Variants in ATP6V0A4 observed in about 807,000 individuals in gnomAD.
ATP6V0A4 encodes ATPase H+ transporting V0 subunit a4.
ATP6V0A4 carries 86 observed loss-of-function variants against 107.3 expected under a neutral mutation model. That is an observed-to-expected ratio of 0.80 (90% CI 0.67 to 0.96). ATP6V0A4 has a LOEUF of 0.96. Ranked by LOEUF, ATP6V0A4 falls within the 40% of genes least tolerant of loss-of-function variation. The pLI is 0.00. For missense variants in ATP6V0A4, 908 were observed against 1,045.6 expected (o/e 0.87, Z 1.81); for synonymous variants, 353 against 381.4 (o/e 0.93, Z 0.87).
Position 138,771,840 on chromosome 7 carries a change from T to C in ATP6V0A4, c.-17-576A>G, listed in dbSNP as rs115828139. Among the ~76,000 whole-genome samples, 409 of 152,240 alleles carry C rather than the reference T, an allele frequency of 2.7e-3. 3 individuals are homozygous for C. Among genetic ancestry groups the C allele is most frequent in the African/African-American group, 9.2e-3 (382 of 41,540 alleles). ...CTTGCTGTGTTGCCCAGGCTGGTAT[T>C]GAACTCCTGGACTGAAGTGATCCTC... On this transcript the variant is annotated intron_variant, in intron 2 of 21. Coordinates refer to ENST00000310018, the MANE Select transcript of ATP6V0A4 (RefSeq NM_020632.3).
intron 2 of ATP6V0A4, among the ~76,000 whole-genome samples, chr7:138,772,449 A>G (rs1421104219): frequency 6.6e-6 from 1 of 152,194 alleles, no homozygotes; most frequent in Non-Finnish European, 1.5e-5. Context: ...AAGGATGCCC[A>G]CGGGTGAGTG....
chr7:138,718,399 T>A (rs1253974794), intron 19 of ATP6V0A4, among the ~76,000 whole-genome samples: 2 of 64,258 alleles, frequency 3.1e-5, no homozygotes, highest in African/African-American at 1.2e-4. Context: ...GAGGGAGACG[T>A]CCAGGAAGGA....
rs550393284 is a variant in ATP6V0A4 at position 138,747,237 on chromosome 7, G to T, written c.1320+188C>A. Among the ~76,000 whole-genome samples the T allele has an allele frequency of 2.0e-5, 3 of 152,224 alleles. No individual in the cohort carries two copies. In the East Asian group the frequency reaches 5.8e-4, roughly 29 times the overall value. On this transcript the variant is annotated intron_variant, in intron 13 of 21. Coordinates refer to ENST00000310018, the MANE Select transcript of ATP6V0A4 (RefSeq NM_020632.3). ...TCATGAACAAAAACCCAAAAATGCT[G>T]AAAGGAACGGCACCAAACCATCCAA... is the stretch of plus-strand genomic sequence containing the variant.
chr7:138,768,904 A>G (rs1807226003), intron 4 of ATP6V0A4, 30 bp from the exon 5 acceptor site: 6 of 1,613,412 alleles, frequency 3.7e-6, no homozygotes, highest in Non-Finnish European at 5.1e-6. Flanking sequence ...CAGAAACCCC[A>G]AGGTGATTGT....
At chr7:138,743,284 C>T (rs2117265956) in intron 14 of ATP6V0A4, among the ~76,000 whole-genome samples, 1 of 151,898 alleles carries the variant, frequency 6.6e-6, no homozygotes. Context: ...ATGGTGAAAC[C>T]CCACCTCTCC....
chr7:138,752,860 G>T (rs760959558), intron 10 of ATP6V0A4, 23 bp from the exon 11 acceptor site: 27 of 1,612,042 alleles, frequency 1.7e-5, no homozygotes, highest in Non-Finnish European at 2.2e-5. Context: ...CAACACACAG[G>T]AAAACAGAGA....
chr7:138,737,024 A>G (rs1805359836), intron 15 of ATP6V0A4, among the ~76,000 whole-genome samples: 1 of 150,008 alleles, frequency 6.7e-6, no homozygotes, highest in Admixed American at 6.7e-5. Context: ...TGAAGGCCAA[A>G]TATTTTGTGA....
intron 13 of ATP6V0A4, among the ~76,000 whole-genome samples, chr7:138,745,527 A>G (rs991439726): frequency 5.3e-5 from 8 of 151,812 alleles, no homozygotes; most frequent in Admixed American, 5.3e-4. Context: ...ATAGGCAAAA[A>G]TTAGCTGGGC....
chr7:138,747,784 T>C, intron 12 of ATP6V0A4: 2 of 598,820 alleles, frequency 3.3e-6, no homozygotes, highest in Non-Finnish European at 5.4e-6. Context: ...AAAGTGGGTC[T>C]CGCTCTGTCA....
intron 18 of ATP6V0A4, among the ~76,000 whole-genome samples, chr7:138,723,527 T>TC (rs1317604623): frequency 2.6e-4 from 20 of 75,750 alleles, no homozygotes; most frequent in East Asian, 1.6e-3. Context: ...TCTTTTCTTT[T>TC]TTTTTTTTTT....
chr7:138,761,652 T>C (rs1806825577), intron 7 of ATP6V0A4, among the ~76,000 whole-genome samples: 1 of 149,660 alleles, frequency 6.7e-6, no homozygotes, highest in Non-Finnish European at 1.5e-5. Context: ...AAATTCAAAC[T>C]CCAAATGCAT....
intron 21 of ATP6V0A4, among the ~76,000 whole-genome samples, chr7:138,707,958 C>T (rs757715630): frequency 3.9e-5 from 6 of 151,992 alleles, no homozygotes; most frequent in African/African-American, 7.2e-5. Context: ...CGCAAAGACC[C>T]TTGACCTGTA....
chr7:138,708,412 C>T (rs1032543046), intron 21 of ATP6V0A4, among the ~76,000 whole-genome samples: 2 of 152,124 alleles, frequency 1.3e-5, no homozygotes, highest in African/African-American at 4.8e-5. Flanking sequence ...GGAATGACGT[C>T]ATCATGGAGG....
Position 138,729,008 on chromosome 7 carries a change from G to A in ATP6V0A4, c.1909-146C>T, listed in dbSNP as rs3734941. ...TTTCAATGAATCCATTCACCTTCAC[G>A]CCTGGAATATTCCCCTTGCAGATAG... On this transcript the variant is annotated intron_variant, in intron 17 of 21. Coordinates refer to ENST00000310018, the MANE Select transcript of ATP6V0A4 (RefSeq NM_020632.3). The A allele has an allele frequency of 0.72, 1,067,167 of 1,484,936 alleles. 385,347 individuals are homozygous for A. Among genetic ancestry groups the A allele is most frequent in the South Asian group, 0.81 (67,239 of 82,806 alleles). The allele number at this position is 1,484,936 out of a possible 1,614,324, so 92.0% of individuals were successfully genotyped here.
chr7:138,724,372 G>A (rs1409165158), intron 18 of ATP6V0A4, among the ~76,000 whole-genome samples: 1 of 152,090 alleles, frequency 6.6e-6, no homozygotes, highest in Non-Finnish European at 1.5e-5. Flanking sequence ...TATCATGAGG[G>A]CCTTGTATGT....
chr7:138,732,866 A>G lies in ATP6V0A4; in HGVS notation c.1908+11T>C. 1 of 1,569,330 alleles carries G rather than the reference A, an allele frequency of 6.4e-7. No individual in the cohort carries two copies. The highest frequency in any genetic ancestry group is 1.4e-5 in the African/African-American group (1 of 72,158). Reference sequence around the variant, plus strand: ...AAAAGAAGAGTAAAAAAAAAAAAATAGCAGAAATACCTGATGTTTGTAGAG... The same window carrying G: ...AAAAGAAGAGTAAAAAAAAAAAAATGGCAGAAATACCTGATGTTTGTAGAG... On this transcript the variant is annotated intron_variant, in intron 17 of 21. Coordinates refer to ENST00000310018, the MANE Select transcript of ATP6V0A4 (RefSeq NM_020632.3).
At chr7:138,788,478 A>G (rs1808262843) in intron 1 of ATP6V0A4, among the ~76,000 whole-genome samples, 1 of 152,216 alleles carries the variant, frequency 6.6e-6, no homozygotes, top group Admixed American at 6.5e-5. Flanking sequence ...CCCACAGAAG[A>G]GCTGGCTGTC....
chr7:138,720,032 A>C (rs932414458), intron 19 of ATP6V0A4, among the ~76,000 whole-genome samples: 2 of 151,918 alleles, frequency 1.3e-5, no homozygotes, highest in African/African-American at 4.8e-5. Context: ...CTCAAAAAAA[A>C]AAAACAAAAA....
chr7:138,724,803 T>C (rs1804626385), intron 18 of ATP6V0A4, among the ~76,000 whole-genome samples: 1 of 152,206 alleles, frequency 6.6e-6, no homozygotes, highest in Non-Finnish European at 1.5e-5. Flanking sequence ...TTAGTTAAAA[T>C]GAACATGAAT....
Sources: gnomAD v4.1 joint callset for allele counts (sites outside exome capture counted in the v4.1 genomes callset) on GRCh38, gnomAD v4.1.1 for gene constraint, MANE v1.5 for transcripts, NCBI Gene and HGNC (gene_info 2026-07-23, HGNC 2026-07-21) for gene names.